MYBL2: variants seen among roughly 807,000 people sequenced by gnomAD.
MYBL2 encodes the protein myb-related protein B.
In MYBL2, 28 loss-of-function variants were observed where a neutral mutation model predicts 79.9. The observed-to-expected ratio is 0.35, with a 90% confidence interval of 0.26 to 0.48. The LOEUF is 0.48. MYBL2 is among the 20% of genes least tolerant of loss of function. The pLI is 0.99. For missense variants in MYBL2, 735 were observed against 893.9 expected (o/e 0.82, Z 2.27); for synonymous variants, 378 against 361.2 (o/e 1.05, Z -0.53).
intron 1 of MYBL2, among the ~76,000 whole-genome samples, chr20:43,668,639 G>A (rs1315030635): frequency 6.6e-6 from 1 of 150,652 alleles, no homozygotes; most frequent in Non-Finnish European, 1.5e-5. Flanking sequence ...CCAGGCCAAT[G>A]TCCAGGAAGA....
At chr20:43,674,038 C>T (rs1568846391) in intron 2 of MYBL2, 139 bp downstream of exon 2, 5 of 748,118 alleles carry the variant, frequency 6.7e-6, no homozygotes, top group Non-Finnish European at 1.1e-5. Context: ...TCTGATTGTC[C>T]TCATGCCTCT....
intron 8 of MYBL2, among the ~76,000 whole-genome samples, chr20:43,704,305 C>T (rs934643686): frequency 1.1e-4 from 16 of 152,290 alleles, no homozygotes; most frequent in South Asian, 2.1e-4. Context: ...CGTGAGCCAC[C>T]GCGCCTGGCC....
chr20:43,675,861 T>G (rs1421547573), intron 2 of MYBL2, among the ~76,000 whole-genome samples: 1 of 151,654 alleles, frequency 6.6e-6, no homozygotes, highest in Non-Finnish European at 1.5e-5. Flanking sequence ...GGGAGTTTGA[T>G]GTACAGGTTA....
intron 6 of MYBL2, among the ~76,000 whole-genome samples, chr20:43,692,790 TAAAA>T (rs1987444145): frequency 6.6e-6 from 1 of 152,072 alleles, no homozygotes; most frequent in Non-Finnish European, 1.5e-5. Flanking sequence ...TAAAAAAAAT[TAAAA>T]AATGTATTGA....
intron 5 of MYBL2, among the ~76,000 whole-genome samples, chr20:43,689,360 A>G (rs1168881166): frequency 6.6e-6 from 1 of 152,122 alleles, no homozygotes; most frequent in Admixed American, 6.6e-5. Context: ...CTTGGGTTGG[A>G]AACTCTGGCT....
At chr20:43,703,444 AAC>A (rs552918453) in intron 8 of MYBL2, among the ~76,000 whole-genome samples, 60 of 152,314 alleles carry the variant, frequency 3.9e-4, no homozygotes, top group Non-Finnish European at 6.9e-4. Context: ...CTCTGTTAGT[AAC>A]ACACAGAGCC....
At chr20:43,705,416 T>A (rs1045171660) in intron 9 of MYBL2, 58 bp downstream of exon 9, 3 of 1,526,330 alleles carry the variant, frequency 2.0e-6, no homozygotes, top group Non-Finnish European at 2.6e-6. Context: ...CACCAGACCA[T>A]GGGCCTTGGG....
At chr20:43,680,997 G>A (rs974820569) in intron 2 of MYBL2, among the ~76,000 whole-genome samples, 3 of 152,042 alleles carry the variant, frequency 2.0e-5, no homozygotes, top group Non-Finnish European at 4.4e-5. Context: ...TGTCCCTATA[G>A]CTTAGTTTAC....
chr20:43,672,085 T>C (rs3127069), intron 1 of MYBL2, among the ~76,000 whole-genome samples: 124,489 of 151,846 alleles, frequency 0.82, 51,531 homozygotes, highest in Non-Finnish European at 0.88. Flanking sequence ...GTGGCAGGCG[T>C]CTGTAATCTC....
At position 43,713,079 on chromosome 20, in the gene MYBL2, G is replaced by A; in HGVS notation, c.1797G>A (p.Met599Ile). The change falls in exon 12 of 14, where the codon ATG becomes ATA. Residue 599 changes from methionine (M) to isoleucine (I), a missense_variant. By Grantham distance (10) the Met-to-Ile change is conservative. This residue lies in a region of MYBL2 where 204 missense variants were observed against 202.9 expected (regional missense o/e 1.01). Transcript: ENST00000217026. ...TGGATGAGGATGTGAAGCTGATGAT[G>A]TCCACACTGCCCAAGTCTCTATCCT... is the stretch of plus-strand genomic sequence containing the variant. Reference protein sequence around the residue: ...DIVDEDVKLMMSTLPKSLSLP... With the variant: ...DIVDEDVKLMISTLPKSLSLP... The A allele has an allele frequency of 6.2e-7, 1 of 1,613,078 alleles. No individual in the cohort carries two copies.
In MYBL2 at chr20:43,700,002, T is replaced by A. The variant is rs1300211476; in HGVS notation, c.909T>A (p.Ala303=). The A allele has an allele frequency of 1.2e-6, 2 of 1,614,030 alleles. No individual in the cohort carries two copies. Among genetic ancestry groups the A allele is most frequent in the Non-Finnish European group, 1.7e-6 (2 of 1,180,032 alleles). Residue 303 remains alanine (A), a synonymous_variant, in exon 7 of 14, where the codon GCT becomes GCA. Coordinates refer to ENST00000217026, the MANE Select transcript of MYBL2 (RefSeq NM_002466.4). The part of the protein sequence containing the change: ...VVEAANLLIP[A]VGSSLSEALD... ...AGGCAGCTAACCTCCTCATCCCTGC[T>A]GTGGGTTCTAGCCTCTCTGAAGCCC...
At chr20:43,695,562 AC>A (rs1987517848) in intron 6 of MYBL2, among the ~76,000 whole-genome samples, 2 of 151,916 alleles carry the variant, frequency 1.3e-5, no homozygotes, top group Admixed American at 1.3e-4. Context: ...GGTGGGGGGA[AC>A]CCTTTTGGCT....
intron 1 of MYBL2, among the ~76,000 whole-genome samples, chr20:43,668,686 T>A (rs1317026229): frequency 2.6e-4 from 1 of 3,890 alleles, no homozygotes; most frequent in African/African-American, 1.5e-3. Flanking sequence ...CCTGCCCTGG[T>A]TTTTTTTTTT....
intron 6 of MYBL2, among the ~76,000 whole-genome samples, chr20:43,698,351 ATTTTTTTTTTTTTTTTTTTTTTTT>A (rs71193701): frequency 1.0e-4 from 5 of 49,076 alleles, no homozygotes; most frequent in Non-Finnish European, 1.8e-4. Flanking sequence ...CGCCCCGCAT[ATTTTTTTTTTTTTTTTTTTTTTTT>A]TTTTTTTTTT....
In MYBL2 at chr20:43,715,308, G is replaced by C. The variant is rs1444538829; in HGVS notation, c.1974+25G>C. 2.5e-6 allele frequency: 4 copies of C among 1,613,534 alleles called. No individual in the cohort carries two copies. The African/African-American group carries it at 5.3e-5, about 22-fold the overall frequency. ...TGTGAGTGCTGTGGCCATCTCTGGGGGTCCTGCAGTGCCCGCCTTCTTAGC... is the reference window on the plus strand; with the variant it reads ...TGTGAGTGCTGTGGCCATCTCTGGGCGTCCTGCAGTGCCCGCCTTCTTAGC... On this transcript the variant is annotated intron_variant, in intron 13 of 13. Transcript: ENST00000217026.
chr20:43,695,617 C>A (rs141938355), intron 6 of MYBL2, among the ~76,000 whole-genome samples: 1 of 151,636 alleles, frequency 6.6e-6, no homozygotes, highest in South Asian at 2.1e-4. Flanking sequence ...TTTGTGAGGC[C>A]AAGTTGGGAG....
At chr20:43,713,470 C>G (rs933899834) in intron 12 of MYBL2, among the ~76,000 whole-genome samples, 1 of 151,810 alleles carries the variant, frequency 6.6e-6, no homozygotes, top group South Asian at 2.1e-4. Context: ...TCACTGCAAC[C>G]TCCGTCTCCC....
intron 1 of MYBL2, among the ~76,000 whole-genome samples, 162 bp downstream of exon 1, chr20:43,667,465 A>T (rs1986746124): frequency 6.6e-6 from 1 of 151,520 alleles, no homozygotes; most frequent in Admixed American, 6.6e-5. Context: ...GGGCCCTCTG[A>T]GGCAGGGGCG....
chr20:43,702,815 A>T lies in MYBL2; in HGVS notation c.1277A>T (p.Asn426Ile). ...RRVALSPVTE[N>I]STSLSFLDSC... is the part of the protein sequence containing the mutation. ...GTGGCTCTGTCCCCTGTCACTGAGA[A>T]TAGCACCAGTCTGTCCTTCCTGGAT... Residue 426 changes from asparagine (N) to isoleucine (I), a missense_variant, in exon 8 of 14, where the codon AAT (asparagine) becomes ATT (isoleucine). Physicochemically the swap from Asn to Ile is moderately radical, Grantham distance 149 (BLOSUM62 -3). This residue lies in a region of MYBL2 where 243 missense variants were observed against 327.2 expected (regional missense o/e 0.74). Transcript: ENST00000217026. The T allele has an allele frequency of 6.2e-7, 1 of 1,614,146 alleles. No individual in the cohort carries two copies. Among genetic ancestry groups the T allele is most frequent in the Non-Finnish European group, 8.5e-7 (1 of 1,179,998 alleles).
Sources: gnomAD v4.1 joint callset for allele counts (sites outside exome capture counted in the v4.1 genomes callset) on GRCh38, gnomAD v4.1.1 for gene constraint, gnomAD v4.1.1 regional missense constraint, MANE v1.5 for transcripts, NCBI Gene and HGNC (gene_info 2026-07-23, HGNC 2026-07-21) for gene names.